The following GALNT16 variants were observed in gnomAD, a reference collection of about 807,000 sequenced individuals.
The protein encoded by GALNT16 is UDP-GalNAc:polypeptide N-acetylgalactosaminyltransferase-like protein 1.
GALNT16 carries 40 observed loss-of-function variants against 76.1 expected under a neutral mutation model. The observed-to-expected ratio is 0.53, with a 90% CI of 0.41 to 0.68. The LOEUF (loss-of-function observed/expected upper bound fraction) is 0.68. Ranked by LOEUF, GALNT16 falls within the 30% of genes least tolerant of loss-of-function variation. The pLI is 0.00. For missense variants in GALNT16, 621 were observed against 731.9 expected, an observed-to-expected ratio of 0.85 and a Z score of 1.75; for synonymous variants, 276 against 285.2, an observed-to-expected ratio of 0.97 and a Z score of 0.32.
the GALNT16 span, among the ~76,000 whole-genome samples, chr14:69,373,042 A>G: frequency 6.6e-6 from 1 of 152,222 alleles, no homozygotes; most frequent in African/African-American, 2.4e-5. Flanking sequence ...TGTCAAGGAC[A>G]AAGTGATCTC....
chr14:69,279,338 G>A (rs1164224986), intron 1 of GALNT16, among the ~76,000 whole-genome samples: 1 of 151,852 alleles, frequency 6.6e-6, no homozygotes, highest in Admixed American at 6.5e-5. Flanking sequence ...CTGAGTTTTG[G>A]GGGGTCCCTT....
chr14:69,340,693 C>T (rs1049751754), intron 11 of GALNT16, among the ~76,000 whole-genome samples: 1 of 152,094 alleles, frequency 6.6e-6, no homozygotes, highest in Admixed American at 6.5e-5. Context: ...ACCATGTCAG[C>T]CAGGCTGGTC....
Position 69,341,799 on chromosome 14 carries a change from C to T in GALNT16, c.1271+35C>T, listed in dbSNP as rs371811913. 3.3e-5 allele frequency: 49 copies of T among 1,495,996 alleles called. No individual in the cohort carries two copies. In the African/African-American group the frequency reaches 3.4e-4, roughly 11 times the overall value. The allele number at this position is 1,495,996 out of a possible 1,614,324, so 92.7% of individuals were successfully genotyped here. On this transcript the variant is annotated intron_variant, in intron 12 of 14. Coordinates refer to ENST00000448469, the MANE Select transcript of GALNT16 (RefSeq NM_001168368.2). ...GCCCTCATCTTGTGCATCCCCCAGG[C>T]GGGTAGGGGGTGGTTGGGGCCAGCG...
chr14:69,288,901 G>A (rs1043652586), intron 1 of GALNT16, among the ~76,000 whole-genome samples: 12 of 151,792 alleles, frequency 7.9e-5, no homozygotes, highest in African/African-American at 1.2e-4. Flanking sequence ...TTTTAGAGAC[G>A]AGGTCTCACT....
chr14:69,286,163 G>C (rs577747187), intron 1 of GALNT16, among the ~76,000 whole-genome samples: 5 of 152,170 alleles, frequency 3.3e-5, no homozygotes, highest in Non-Finnish European at 7.3e-5. Context: ...GACAACAAAG[G>C]GTAGGGCACG....
At chr14:69,380,746 C>T in the GALNT16 span, 1 of 615,252 alleles carries the variant, frequency 1.6e-6, no homozygotes, top group East Asian at 2.9e-5. Context: ...TGCACATTTC[C>T]AAAAATGAAC....
chr14:69,260,329 C>T lies in GALNT16; in HGVS notation c.39C>T (p.Thr13=). 1 of 1,612,996 alleles carries T rather than the reference C, an allele frequency of 6.2e-7. No individual in the cohort carries two copies. The highest frequency in any genetic ancestry group is 1.1e-5 in the South Asian group (1 of 91,006). ...KIRANAIAIL[T]VAWILGTFYY... is the part of the protein sequence containing the mutation. ...GCGCCAATGCCATCGCCATCCTGAC[C>T]GTAGCCTGGATCCTGGGCACTTTCT... The change falls in exon 1 of 15, where the codon ACC becomes ACT. Residue 13 remains threonine, a synonymous_variant. Coordinates refer to ENST00000448469, the MANE Select transcript of GALNT16 (RefSeq NM_001168368.2).
chr14:69,313,727 T>C (rs2045060328), intron 1 of GALNT16, among the ~76,000 whole-genome samples: 1 of 152,244 alleles, frequency 6.6e-6, no homozygotes, highest in Admixed American at 6.5e-5. Context: ...GGATATGTAA[T>C]TAAACTAGGG....
chr14:69,323,638 G>A (rs186988111), intron 2 of GALNT16, among the ~76,000 whole-genome samples: 4 of 152,250 alleles, frequency 2.6e-5, no homozygotes, highest in Admixed American at 1.3e-4. Flanking sequence ...TTTCTCAAGG[G>A]GTAGAAGGCA....
intron 12 of GALNT16, among the ~76,000 whole-genome samples, chr14:69,342,890 C>T (rs927892347): frequency 3.9e-5 from 6 of 152,152 alleles, no homozygotes; most frequent in African/African-American, 1.4e-4. Flanking sequence ...TGCAGCTCCG[C>T]CTCCCTCCCC....
At chr14:69,341,026 A>G (rs1248866549) in intron 11 of GALNT16, among the ~76,000 whole-genome samples, 1 of 152,178 alleles carries the variant, frequency 6.6e-6, no homozygotes, top group Non-Finnish European at 1.5e-5. Flanking sequence ...ATGTCACTAA[A>G]TATTTCTTGT....
chr14:69,369,760 T>C, the GALNT16 span, among the ~76,000 whole-genome samples: 1 of 152,306 alleles, frequency 6.6e-6, no homozygotes, highest in African/African-American at 2.4e-5. Context: ...AAAGTTAGCA[T>C]GACAAAATCA....
intron 1 of GALNT16, among the ~76,000 whole-genome samples, chr14:69,286,304 C>CTT (rs35362251): frequency 0.017 from 2,406 of 142,094 alleles, 42 homozygotes; most frequent in Admixed American, 0.049. Context: ...TCCAAAGGCA[C>CTT]TTTTTTTTTT....
chr14:69,300,207 G>A (rs1011237021), intron 1 of GALNT16, among the ~76,000 whole-genome samples: 1 of 151,918 alleles, frequency 6.6e-6, no homozygotes, highest in African/African-American at 2.4e-5. Context: ...TATTTAAAGT[G>A]TGTGTGTGCT....
chr14:69,314,353 C>A (rs945777806), intron 1 of GALNT16, among the ~76,000 whole-genome samples: 4 of 152,234 alleles, frequency 2.6e-5, no homozygotes, highest in African/African-American at 9.6e-5. Flanking sequence ...GCAGTAAGAA[C>A]TGCCATTCTA....
chr14:69,280,704 G>T (rs1301152828), intron 1 of GALNT16, among the ~76,000 whole-genome samples: 1 of 152,144 alleles, frequency 6.6e-6, no homozygotes, highest in African/African-American at 2.4e-5. Context: ...AATGAACATT[G>T]TTGCCTGGAT....
chr14:69,355,605 A>T (rs575864962), downstream of GALNT16: 2 of 152,572 alleles, frequency 1.3e-5, no homozygotes, highest in East Asian at 3.9e-4. Context: ...TCCCTAGGAG[A>T]TAAGGCTGTC....
chr14:69,358,231 G>A (rs530085052), downstream of GALNT16: 1 of 152,388 alleles, frequency 6.6e-6, no homozygotes, highest in South Asian at 2.1e-4. Flanking sequence ...AGTTGCTCTA[G>A]GGCCACCTCG....
intron 1 of GALNT16, among the ~76,000 whole-genome samples, chr14:69,267,455 T>C (rs1374954196): frequency 1.3e-5 from 2 of 152,192 alleles, no homozygotes; most frequent in Non-Finnish European, 2.9e-5. Context: ...AGGAACAACT[T>C]CACGTTTCGC....
Sources: gnomAD v4.1 joint callset for allele counts (sites outside exome capture counted in the v4.1 genomes callset) on GRCh38, gnomAD v4.1.1 for gene constraint, MANE v1.5 for transcripts, NCBI Gene and HGNC (gene_info 2026-07-23, HGNC 2026-07-21) for gene names.